The following SDK1 variants were observed in gnomAD, a reference collection of about 807,000 sequenced individuals.
SDK1 encodes protein sidekick-1.
In SDK1, 157 loss-of-function variants were observed where a neutral mutation model predicts 245.5. The observed-to-expected ratio is 0.64, with a 90% CI of 0.56 to 0.73. The LOEUF (loss-of-function observed/expected upper bound fraction) is 0.73. SDK1 is among the 30% of genes least tolerant of loss of function. SDK1 has a pLI of 0.00. For synonymous variants in SDK1, 1,647 were observed against 1,278.5 expected (o/e 1.29, Z -6.15); for missense variants, 3,583 against 3,002.3 (o/e 1.19, Z -4.52).
At chr7:4,256,379 G>A (rs1787628973) in intron 44 of SDK1, among the ~76,000 whole-genome samples, 2 of 152,254 alleles carry the variant, frequency 1.3e-5, no homozygotes, top group Non-Finnish European at 2.9e-5. Context: ...GGGAAGAAAT[G>A]TGGGCTTTGG....
In SDK1 at chr7:4,113,991, G is replaced by A. The variant is rs572349770; in HGVS notation, c.3586-46G>A. On this transcript the variant is annotated intron_variant, in intron 24 of 44. Transcript: ENST00000404826. ...CCATCCCTTACAACCCGTGAGGGTGGCAGTTCTGAGATGTCAGCTCATCGC... is the reference window on the plus strand; with the variant it reads ...CCATCCCTTACAACCCGTGAGGGTGACAGTTCTGAGATGTCAGCTCATCGC... The A allele has an allele frequency of 3.3e-6, 5 of 1,531,906 alleles. No homozygotes were observed. The East Asian group carries it at 1.1e-4, about 34-fold the overall frequency. 94.9% of individuals were successfully genotyped at this position (1,531,906 alleles called of 1,614,324 possible). A position where few individuals can be genotyped will look rare whatever the true frequency, so the allele number is the denominator to read the frequency against.
chr7:4,075,114 A>AAGGC (rs1259447738), intron 20 of SDK1, among the ~76,000 whole-genome samples: 3 of 151,288 alleles, frequency 2.0e-5, no homozygotes, highest in Admixed American at 6.6e-5. Context: ...AGAGACCCCA[A>AAGGC]AGGCAGGCAG....
chr7:4,093,640 C>T (rs1263674796), intron 22 of SDK1, among the ~76,000 whole-genome samples: 1 of 152,196 alleles, frequency 6.6e-6, no homozygotes, highest in Non-Finnish European at 1.5e-5. Context: ...GCCCAGGCGT[C>T]CCCAGGACGC....
chr7:3,405,874 A>G (rs371273333), intron 1 of SDK1, among the ~76,000 whole-genome samples: 2 of 138,342 alleles, frequency 1.4e-5, no homozygotes, highest in Admixed American at 7.8e-5. Context: ...GTGCAGTGGC[A>G]TGTTCTCAGC....
At chr7:3,943,529 C>G (rs1413241627) in intron 5 of SDK1, among the ~76,000 whole-genome samples, 1 of 150,282 alleles carries the variant, frequency 6.7e-6, no homozygotes. Flanking sequence ...GTCCATTTCC[C>G]CCACCCCACC....
intron 5 of SDK1, among the ~76,000 whole-genome samples, chr7:3,900,630 A>C (rs187090249): frequency 3.9e-5 from 6 of 152,268 alleles, no homozygotes; most frequent in Admixed American, 3.3e-4. Context: ...GGAAGATTTC[A>C]ACCTGCAGAA....
chr7:4,167,340 T>C (rs1363458631), intron 32 of SDK1, among the ~76,000 whole-genome samples: 1 of 151,518 alleles, frequency 6.6e-6, no homozygotes, highest in Non-Finnish European at 1.5e-5. Flanking sequence ...ACCCAGGAGG[T>C]TGCAGTGAGC....
intron 18 of SDK1, among the ~76,000 whole-genome samples, chr7:4,051,171 A>G: frequency 1.4e-5 from 2 of 140,380 alleles, no homozygotes; most frequent in African/African-American, 2.6e-5. Context: ...GTATATATGT[A>G]TATATTATAC....
Position 3,786,689 on chromosome 7 carries a change from C to G in SDK1, c.714-34761C>G, listed in dbSNP as rs572199925. 2.6e-5 allele frequency among the ~76,000 whole-genome samples: 4 copies of G among 152,240 alleles called. No homozygotes were observed. The South Asian group carries it at 8.3e-4, about 32-fold the overall frequency. On this transcript the variant is annotated intron_variant, in intron 4 of 44. Coordinates refer to ENST00000404826, the MANE Select transcript of SDK1 (RefSeq NM_152744.4). ...TTATACAGTGAGTACGTTCTCTGGT[C>G]TTTTTCTCGCTGATGAAATGGATGT...
At chr7:3,490,034 C>T (rs1009031024) in intron 1 of SDK1, among the ~76,000 whole-genome samples, 1 of 152,094 alleles carries the variant, frequency 6.6e-6, no homozygotes, top group Admixed American at 6.5e-5. Flanking sequence ...TGAGAGAATA[C>T]ACAGAAATGA....
intron 35 of SDK1, among the ~76,000 whole-genome samples, chr7:4,187,793 A>G (rs1320617495): frequency 6.6e-6 from 1 of 152,240 alleles, no homozygotes; most frequent in African/African-American, 2.4e-5. Context: ...GAGCTGGACA[A>G]AGAAAATACT....
At chr7:4,023,540 A>C (rs1300851620) in intron 17 of SDK1, among the ~76,000 whole-genome samples, 1 of 152,208 alleles carries the variant, frequency 6.6e-6, no homozygotes, top group African/African-American at 2.4e-5. Flanking sequence ...TTTTAAATTT[A>C]AATAACCGAA....
At chr7:3,436,818 C>T (rs1276815504) in intron 1 of SDK1, among the ~76,000 whole-genome samples, 1 of 152,096 alleles carries the variant, frequency 6.6e-6, no homozygotes, top group African/African-American at 2.4e-5. Context: ...GAATAAGAGC[C>T]AGAAGAATGT....
chr7:3,612,197 CT>C (rs1215314699), intron 1 of SDK1, among the ~76,000 whole-genome samples: 1 of 152,106 alleles, frequency 6.6e-6, no homozygotes, highest in Non-Finnish European at 1.5e-5. Flanking sequence ...AAAGAACTTA[CT>C]CGTGTAACCA....
chr7:3,836,712 A>G (rs1173022844), intron 5 of SDK1, among the ~76,000 whole-genome samples: 1 of 152,246 alleles, frequency 6.6e-6, no homozygotes, highest in African/African-American at 2.4e-5. Context: ...ATTGCTTTCA[A>G]TATGCAATAC....
Position 4,012,101 on chromosome 7 carries a change from G to A in SDK1, c.2286G>A (p.Met762Ile). 6.5e-7 allele frequency: 1 copy of A among 1,548,094 alleles called. No individual in the cohort carries two copies. Among genetic ancestry groups the A allele is most frequent in the Non-Finnish European group, 8.7e-7 (1 of 1,149,190 alleles). ...GQYSAETSRL[M>I]LPEEPPSAPP... is the part of the protein sequence containing the mutation. ...ACCCGTCTTTTATTTATAGGTTGAT[G>A]CTACCTGAAGAACCACCCAGTGCTC... Residue 762 changes from methionine (M) to isoleucine (I), a missense_variant, in exon 16 of 45, where the codon ATG becomes ATA. By Grantham distance (10) the Met-to-Ile change is conservative (BLOSUM62 1). Transcript: ENST00000404826.
chr7:3,506,552 G>C (rs566035469), intron 1 of SDK1, among the ~76,000 whole-genome samples: 1 of 152,222 alleles, frequency 6.6e-6, no homozygotes, highest in African/African-American at 2.4e-5. Context: ...TGATGACTCT[G>C]ATGTACTTTG....
chr7:4,194,897 A>T (rs975954980), intron 35 of SDK1, among the ~76,000 whole-genome samples: 2 of 152,222 alleles, frequency 1.3e-5, no homozygotes, highest in African/African-American at 4.8e-5. Context: ...CTACAAAGTC[A>T]TTCTTACACC....
chr7:3,575,438 TG>T (rs1562574074), intron 1 of SDK1, among the ~76,000 whole-genome samples: 2 of 152,074 alleles, frequency 1.3e-5, no homozygotes, highest in African/African-American at 4.8e-5. Flanking sequence ...GAATGAATTT[TG>T]GGGGGACACA....
Sources: gnomAD v4.1 joint callset for allele counts (sites outside exome capture counted in the v4.1 genomes callset) on GRCh38, gnomAD v4.1.1 for gene constraint, MANE v1.5 for transcripts, NCBI Gene and HGNC (gene_info 2026-07-23, HGNC 2026-07-21) for gene names.